Variants in ABHD5 observed in about 807,000 individuals in gnomAD.
ABHD5 encodes the protein abhydrolase domain containing 5, lysophosphatidic acid acyltransferase, also known as 1-acylglycerol-3-phosphate O-acyltransferase ABHD5.
A neutral mutation model predicts 44.9 loss-of-function variants in ABHD5; 30 were observed. The ratio of observed to expected loss-of-function variants is 0.67; its 90% CI spans 0.50 to 0.91. The LOEUF (loss-of-function observed/expected upper bound fraction) is 0.91, where lower values mean the gene tolerates loss of function less well. ABHD5 is among the 40% of genes least tolerant of loss of function. The pLI is 0.00. For synonymous variants in ABHD5, 167 were observed against 147.0 expected (o/e 1.14, Z -0.99); for missense variants, 399 against 423.4 (o/e 0.94, Z 0.50).
At chr3:43,715,506 G>C (rs1268037158) in intron 5 of ABHD5, among the ~76,000 whole-genome samples, 1 of 152,140 alleles carries the variant, frequency 6.6e-6, no homozygotes, top group African/African-American at 2.4e-5. Context: ...TGTATCAGTA[G>C]TTAAATGACT....
intron 5 of ABHD5, among the ~76,000 whole-genome samples, chr3:43,717,154 A>T (rs1350896488): frequency 6.6e-6 from 1 of 152,020 alleles, no homozygotes; most frequent in African/African-American, 2.4e-5. Flanking sequence ...CAGCCTAGGC[A>T]ACAGAGCTAG....
At chr3:43,708,677 A>C (rs1188744490) in intron 3 of ABHD5, among the ~76,000 whole-genome samples, 10 of 152,228 alleles carry the variant, frequency 6.6e-5, no homozygotes, top group Admixed American at 6.5e-4. Flanking sequence ...ACCAAAAATA[A>C]GGAACAATTA....
chr3:43,716,915 G>C (rs1278458980), intron 5 of ABHD5, among the ~76,000 whole-genome samples: 1 of 152,204 alleles, frequency 6.6e-6, no homozygotes, highest in Non-Finnish European at 1.5e-5. Flanking sequence ...ACTCACGCCT[G>C]TAATCCCAGC....
At chr3:43,696,779 G>A (rs1375744990) in intron 1 of ABHD5, among the ~76,000 whole-genome samples, 1 of 152,176 alleles carries the variant, frequency 6.6e-6, no homozygotes, top group Non-Finnish European at 1.5e-5. Flanking sequence ...TCTGGTTAAA[G>A]TGAAACTGGA....
At chr3:43,698,245 A>G (rs760117423) in intron 1 of ABHD5, among the ~76,000 whole-genome samples, 1 of 152,142 alleles carries the variant, frequency 6.6e-6, no homozygotes, top group Non-Finnish European at 1.5e-5. Context: ...TATCAAATCC[A>G]ACCTGTTTTC....
At chr3:43,723,968 T>C (rs150420755), downstream of ABHD5, among the ~76,000 whole-genome samples, 998 of 152,294 alleles carry the variant, frequency 6.6e-3, 39 homozygotes, top group Admixed American at 0.06. Context: ...TAGTGTAGTA[T>C]TCATGGTTGA....
Position 43,691,056 on chromosome 3 carries a change from G to C in ABHD5, c.47+17G>C. The C allele has an allele frequency of 6.5e-7, 1 of 1,545,134 alleles. No homozygotes were observed. The highest frequency in any genetic ancestry group is 8.7e-7 in the Non-Finnish European group (1 of 1,146,942). On this transcript the variant is annotated intron_variant, in intron 1 of 6. Coordinates refer to ENST00000644371, the MANE Select transcript of ABHD5 (RefSeq NM_016006.6). ...CGGAGAGAGGTAAGCGCAGCCGGCAGGGGGCTTCGTGTGTCTCCGGCGCGC... is the reference window on the plus strand; with the variant it reads ...CGGAGAGAGGTAAGCGCAGCCGGCACGGGGCTTCGTGTGTCTCCGGCGCGC...
At chr3:43,725,309 C>T (rs1490792592), downstream of ABHD5, among the ~76,000 whole-genome samples, 1 of 152,176 alleles carries the variant, frequency 6.6e-6, no homozygotes. Context: ...ACCATTATAT[C>T]TCTCCTGCTG....
chr3:43,692,038 T>C (rs1158772665), intron 1 of ABHD5, among the ~76,000 whole-genome samples: 1 of 152,212 alleles, frequency 6.6e-6, no homozygotes, highest in Non-Finnish European at 1.5e-5. Flanking sequence ...TAAATTGTTA[T>C]GGAGGTTATT....
chr3:43,711,686 A>G, intron 3 of ABHD5, 23 bp from the exon 4 acceptor site: 1 of 1,613,886 alleles, frequency 6.2e-7, no homozygotes, highest in South Asian at 1.1e-5. Flanking sequence ...AAATGAACTT[A>G]AATATATTCT....
chr3:43,710,537 A>G (rs2084676058), intron 3 of ABHD5, among the ~76,000 whole-genome samples: 1 of 152,198 alleles, frequency 6.6e-6, no homozygotes, highest in Admixed American at 6.5e-5. Flanking sequence ...GATTGCACCC[A>G]ATATTCTCCA....
rs886119105 is a variant in ABHD5, at chr3:43,720,535, A to G, written c.*2003A>G. 2.0e-5 allele frequency: 3 copies of G among 152,206 alleles called. No individual in the cohort carries two copies. The highest frequency in any genetic ancestry group is 7.2e-5 in the African/African-American group (3 of 41,462). 9.4% of individuals were successfully genotyped at this position (152,206 alleles called of 1,614,324 possible). A position where few individuals can be genotyped will look rare whatever the true frequency, so the allele number is the denominator to read the frequency against. ...TTTTACCCTGAGGTATAGTATATGTAATTTTGTGAAGATTGAGCTGGAAGG... is the reference window on the plus strand; with the variant it reads ...TTTTACCCTGAGGTATAGTATATGTGATTTTGTGAAGATTGAGCTGGAAGG... On this transcript the variant is annotated 3_prime_UTR_variant, in exon 7 of 7. Transcript: ENST00000644371.
intron 1 of ABHD5, chr3:43,691,706 C>A (rs1455333132): frequency 1.3e-5 from 2 of 152,192 alleles, no homozygotes; most frequent in East Asian, 1.9e-4. Context: ...TCAGATACTT[C>A]ATAGAAAGAA....
chr3:43,691,058 G>A lies in ABHD5; in HGVS notation c.47+19G>A, dbSNP rs777382118. On this transcript the variant is annotated intron_variant, in intron 1 of 6. Coordinates refer to ENST00000644371, the MANE Select transcript of ABHD5 (RefSeq NM_016006.6). The stretch of plus-strand genomic sequence containing the variant: ...GAGAGAGGTAAGCGCAGCCGGCAGG[G>A]GGCTTCGTGTGTCTCCGGCGCGCAC... 8 of 1,537,648 alleles carry A rather than the reference G, an allele frequency of 5.2e-6. No individual in the cohort carries two copies. Among genetic ancestry groups the A allele is most frequent in the Middle Eastern group, 1.7e-4 (1 of 5,824 alleles).
chr3:43,693,903 A>G (rs929360994), intron 1 of ABHD5, among the ~76,000 whole-genome samples: 1 of 151,690 alleles, frequency 6.6e-6, no homozygotes, highest in Admixed American at 6.6e-5. Context: ...CCTCTTCTGT[A>G]CTCTGGTAAT....
chr3:43,692,370 TCTC>T (rs1264673876), intron 1 of ABHD5, among the ~76,000 whole-genome samples: 2 of 152,198 alleles, frequency 1.3e-5, no homozygotes, highest in African/African-American at 2.4e-5. Context: ...TAGGTTGTGT[TCTC>T]ATCTTGTTTG....
chr3:43,717,570 G>T (rs1559418857), intron 5 of ABHD5, 101 bp from the exon 6 acceptor site: 1 of 1,249,182 alleles, frequency 8.0e-7, no homozygotes, highest in African/African-American at 1.5e-5. Context: ...TTTCTTAGGT[G>T]CTGGAAAAGC....
chr3:43,727,835 C>T (rs923921939), intron 7 of ABHD5, among the ~76,000 whole-genome samples: 7 of 152,176 alleles, frequency 4.6e-5, no homozygotes, highest in Non-Finnish European at 5.9e-5. Flanking sequence ...TCTTGAACTC[C>T]TGACCTCAGG....
At chr3:43,705,961 C>T (rs963985279) in intron 3 of ABHD5, among the ~76,000 whole-genome samples, 7 of 151,992 alleles carry the variant, frequency 4.6e-5, no homozygotes, top group South Asian at 4.2e-4. Context: ...TAATATAGTT[C>T]GATAGACTCA....
Sources: gnomAD v4.1 joint callset for allele counts (sites outside exome capture counted in the v4.1 genomes callset) on GRCh38, gnomAD v4.1.1 for gene constraint, MANE v1.5 for transcripts, NCBI Gene and HGNC (gene_info 2026-07-23, HGNC 2026-07-21) for gene names.